The following NRG1 variants were observed in gnomAD, a reference collection of about 807,000 sequenced individuals.
NRG1 encodes neuregulin 1.
In NRG1, 18 loss-of-function variants were observed where a neutral mutation model predicts 63.8. That is an observed-to-expected ratio of 0.28 (90% CI 0.19 to 0.42). The LOEUF (loss-of-function observed/expected upper bound fraction) is 0.42. Ranked by LOEUF, NRG1 falls within the 10% of genes least tolerant of loss-of-function variation. NRG1 has a pLI of 1.00. For synonymous variants in NRG1, 302 were observed against 301.3 expected, an observed-to-expected ratio of 1.00 and a Z score of -0.02; for missense variants, 762 against 814.7, an observed-to-expected ratio of 0.94 and a Z score of 0.79.
At chr8:32,232,839 C>T (rs890144254) in intron 1 of NRG1, among the ~76,000 whole-genome samples, 2 of 152,012 alleles carry the variant, frequency 1.3e-5, no homozygotes, top group African/African-American at 4.8e-5. Context: ...GTACTTTTTT[C>T]CCCAAAAAGC....
chr8:32,402,760 A>G (rs1027722556), intron 1 of NRG1, among the ~76,000 whole-genome samples: 5 of 152,174 alleles, frequency 3.3e-5, no homozygotes, highest in Admixed American at 6.5e-5. Context: ...GGAAAGAAAA[A>G]CATTGAATGC....
chr8:32,736,733 G>A (rs2976532), intron 6 of NRG1, among the ~76,000 whole-genome samples: 52,431 of 151,652 alleles, frequency 0.35, 11,414 homozygotes, highest in Non-Finnish European at 0.48. Flanking sequence ...TCTTGTTCCT[G>A]ATCAAGGGAG....
intron 1 of NRG1, among the ~76,000 whole-genome samples, chr8:31,658,678 G>A (rs1281346996): frequency 6.6e-6 from 1 of 152,160 alleles, no homozygotes; most frequent in African/African-American, 2.4e-5. Flanking sequence ...GGCCAGGCTG[G>A]TCTCGAATTC....
chr8:32,324,887 A>G (rs1801815716), intron 1 of NRG1, among the ~76,000 whole-genome samples: 1 of 152,200 alleles, frequency 6.6e-6, no homozygotes, highest in African/African-American at 2.4e-5. Context: ...TAAGCCCTTG[A>G]GAAATCTACA....
intron 1 of NRG1, among the ~76,000 whole-genome samples, chr8:32,022,216 G>A (rs1184074876): frequency 6.6e-6 from 1 of 152,136 alleles, no homozygotes; most frequent in Non-Finnish European, 1.5e-5. Flanking sequence ...GTAGACATTA[G>A]GTAAAGAGAG....
chr8:32,556,489 A>G (rs928808966), intron 1 of NRG1, among the ~76,000 whole-genome samples: 15 of 152,216 alleles, frequency 9.9e-5, no homozygotes, highest in African/African-American at 3.4e-4. Flanking sequence ...ATTGCACCTT[A>G]TCTTAACCAC....
intron 1 of NRG1, among the ~76,000 whole-genome samples, chr8:31,896,571 G>A (rs566573918): frequency 5.3e-5 from 8 of 152,296 alleles, no homozygotes; most frequent in Admixed American, 5.2e-4. Context: ...GAGCGTTAGT[G>A]TTCATTAGAA....
At chr8:32,548,146 A>G (rs1218371758), upstream of NRG1, 12 of 885,260 alleles carry the variant, frequency 1.4e-5, no homozygotes, top group East Asian at 1.1e-3. Context: ...CGCCGAGCCC[A>G]GGCTCCTCCC....
At chr8:31,817,472 T>A (rs1275485428) in intron 1 of NRG1, among the ~76,000 whole-genome samples, 3 of 152,228 alleles carry the variant, frequency 2.0e-5, no homozygotes, top group African/African-American at 7.2e-5. Context: ...CACCTTCATA[T>A]AATATTTATT....
chr8:32,079,182 T>C lies in NRG1; in HGVS notation c.37+439751T>C, dbSNP rs61161173. Among the ~76,000 whole-genome samples the C allele has an allele frequency of 5.5e-3, 460 of 83,506 alleles. 3 individuals carry two copies. The East Asian group carries it at 0.055, about 10-fold the overall frequency. The allele number at this position is 83,506 out of a possible 152,430, so 54.8% of individuals were successfully genotyped here. On this transcript the variant is annotated intron_variant, in intron 1 of 10. Transcript: ENST00000519301. Reference sequence around the variant, plus strand: ...ACACACACACACACACACACACACATACACGCACATACAAGGGGTCATACT... The same window carrying C: ...ACACACACACACACACACACACACACACACGCACATACAAGGGGTCATACT...
At chr8:31,742,814 G>T (rs143871899) in intron 1 of NRG1, among the ~76,000 whole-genome samples, 365 of 152,004 alleles carry the variant, frequency 2.4e-3, no homozygotes, top group Non-Finnish European at 4.4e-3. Context: ...AGAAAGAATG[G>T]GGGCTTGCAC....
At chr8:31,696,114 C>A (rs901904303) in intron 1 of NRG1, among the ~76,000 whole-genome samples, 1 of 152,212 alleles carries the variant, frequency 6.6e-6, no homozygotes, top group African/African-American at 2.4e-5. Flanking sequence ...GTCGCCCAGG[C>A]TGGAGTGCAG....
chr8:32,596,026 A>AG (rs1843291394), intron 2 of NRG1, 21 bp downstream of exon 2: 1 of 1,581,546 alleles, frequency 6.3e-7, no homozygotes, highest in Admixed American at 1.7e-5. Context: ...TGCATAAAAT[A>AG]GTAGAGACTG....
At chr8:32,020,580 T>C (rs1816270435) in intron 1 of NRG1, among the ~76,000 whole-genome samples, 1 of 152,192 alleles carries the variant, frequency 6.6e-6, no homozygotes, top group Admixed American at 6.5e-5. Context: ...TATGGTATCA[T>C]GTTATTAATT....
At chr8:31,862,345 A>G (rs975274499) in intron 1 of NRG1, among the ~76,000 whole-genome samples, 1 of 152,112 alleles carries the variant, frequency 6.6e-6, no homozygotes, top group African/African-American at 2.4e-5. Flanking sequence ...CATTTCTAAA[A>G]CTCGAGTTTG....
intron 1 of NRG1, among the ~76,000 whole-genome samples, chr8:32,231,855 A>G (rs1586249122): frequency 6.6e-6 from 1 of 150,690 alleles, no homozygotes; most frequent in South Asian, 2.1e-4. Flanking sequence ...AGATCATACC[A>G]CTGCCCTCCA....
intron 1 of NRG1, among the ~76,000 whole-genome samples, chr8:31,859,533 G>A (rs1356980823): frequency 6.6e-6 from 1 of 152,170 alleles, no homozygotes; most frequent in Non-Finnish European, 1.5e-5. Flanking sequence ...GTGCTATAAT[G>A]ATGCCCTAAA....
At chr8:32,765,588 C>T (rs966760490) in exon 12 of NRG1, 2 of 152,072 alleles carry the variant, frequency 1.3e-5, no homozygotes, top group African/African-American at 2.4e-5. Context: ...TTTATCTTTC[C>T]ATGTTGCCTT....
intron 6 of NRG1, among the ~76,000 whole-genome samples, chr8:32,736,234 G>A (rs1460898893): frequency 6.6e-6 from 1 of 152,172 alleles, no homozygotes; most frequent in Non-Finnish European, 1.5e-5. Flanking sequence ...TCACTTAAAG[G>A]TAGATAACAG....
Sources: allele counts gnomAD v4.1 joint callset (sites outside exome capture counted in the v4.1 genomes callset), GRCh38; gene constraint gnomAD v4.1.1; transcripts MANE v1.5; gene names NCBI Gene and HGNC (gene_info 2026-07-23, HGNC 2026-07-21).